Variants in FOXN3 observed in about 807,000 individuals in gnomAD.
FOXN3 encodes forkhead box N3.
A neutral mutation model predicts 38.4 loss-of-function variants in FOXN3; 7 were observed. The observed-to-expected ratio is 0.18, with a 90% CI of 0.10 to 0.34. The LOEUF (loss-of-function observed/expected upper bound fraction) is 0.34. Ranked by LOEUF, FOXN3 falls within the 10% of genes least tolerant of loss-of-function variation. The pLI, the probability that FOXN3 is intolerant of heterozygous loss-of-function variation, is 1.00. For synonymous variants in FOXN3, 230 were observed against 242.2 expected (o/e 0.95, Z 0.47); for missense variants, 456 against 613.4 (o/e 0.74, Z 2.71).
At chr14:89,385,499 TAAAAAAAAA>T (rs10681650) in intron 2 of FOXN3, among the ~76,000 whole-genome samples, 11 of 108,814 alleles carry the variant, frequency 1.0e-4, no homozygotes, top group African/African-American at 1.7e-4. Flanking sequence ...GGCAAACATT[TAAAAAAAAA>T]AAAAAAAAAA....
intron 2 of FOXN3, among the ~76,000 whole-genome samples, chr14:89,368,650 G>A (rs1890225826): frequency 1.3e-5 from 2 of 152,094 alleles, no homozygotes; most frequent in South Asian, 2.1e-4. Flanking sequence ...TGTTTCAAAC[G>A]CAAACAAAAG....
At chr14:89,555,582 C>T (rs1478081523) in intron 1 of FOXN3, among the ~76,000 whole-genome samples, 1 of 152,134 alleles carries the variant, frequency 6.6e-6, no homozygotes, top group Non-Finnish European at 1.5e-5. Flanking sequence ...TTTTCTAGTA[C>T]TTCCTGTTCT....
intron 1 of FOXN3, among the ~76,000 whole-genome samples, chr14:89,590,272 C>A (rs1457742153): frequency 6.6e-6 from 1 of 152,084 alleles, no homozygotes; most frequent in African/African-American, 2.4e-5. Context: ...GCAAGTCATC[C>A]TTTTGGCCCT....
At chr14:89,608,683 A>G (rs1312425849) in intron 1 of FOXN3, among the ~76,000 whole-genome samples, 2 of 152,186 alleles carry the variant, frequency 1.3e-5, no homozygotes, top group Admixed American at 6.5e-5. Context: ...TTCCTCCTTC[A>G]TAAGAAATAA....
intron 2 of FOXN3, among the ~76,000 whole-genome samples, chr14:89,390,705 G>A (rs527667677): frequency 1.3e-5 from 2 of 152,170 alleles, no homozygotes; most frequent in Admixed American, 6.5e-5. Flanking sequence ...GAATCTACTC[G>A]TATGACCAAA....
chr14:89,165,800 C>G (rs930852008), intron 5 of FOXN3, among the ~76,000 whole-genome samples: 2 of 152,204 alleles, frequency 1.3e-5, no homozygotes, highest in African/African-American at 2.4e-5. Context: ...CTGTAAAATA[C>G]AAAAATAATT....
chr14:89,554,048 C>G (rs1895062896), intron 1 of FOXN3, among the ~76,000 whole-genome samples: 1 of 152,146 alleles, frequency 6.6e-6, no homozygotes, highest in Admixed American at 6.5e-5. Context: ...GTCGCTCAGG[C>G]TGGAGTGCAG....
chr14:89,320,220 T>C (rs1165229149), intron 3 of FOXN3, among the ~76,000 whole-genome samples: 2 of 152,198 alleles, frequency 1.3e-5, no homozygotes, highest in Non-Finnish European at 2.9e-5. Context: ...GGCACGTATT[T>C]TACATCAACA....
intron 4 of FOXN3, among the ~76,000 whole-genome samples, chr14:89,210,915 C>A (rs1884070381): frequency 6.6e-6 from 1 of 152,302 alleles, no homozygotes; most frequent in South Asian, 2.1e-4. Context: ...AGAAACTATA[C>A]AGTTTGGACT....
intron 1 of FOXN3, among the ~76,000 whole-genome samples, chr14:89,581,586 T>C (rs949854511): frequency 2.0e-5 from 3 of 152,170 alleles, no homozygotes; most frequent in Non-Finnish European, 4.4e-5. Context: ...CCCCGGTACC[T>C]GCTCTTTTCC....
intron 3 of FOXN3, among the ~76,000 whole-genome samples, chr14:89,288,062 A>G (rs1596155886): frequency 4.0e-5 from 1 of 25,282 alleles, no homozygotes; most frequent in African/African-American, 1.0e-4. Context: ...CCCTGTCTCA[A>G]AAAAAAATAT....
chr14:89,219,411 T>G (rs567170792), intron 4 of FOXN3, among the ~76,000 whole-genome samples: 1 of 152,214 alleles, frequency 6.6e-6, no homozygotes, highest in Non-Finnish European at 1.5e-5. Context: ...TATGTCTTTA[T>G]AGCAGTGTGA....
intron 1 of FOXN3, among the ~76,000 whole-genome samples, chr14:89,618,877 A>G (rs1450768970): frequency 6.6e-6 from 1 of 151,978 alleles, no homozygotes; most frequent in Non-Finnish European, 1.5e-5. Flanking sequence ...CTATAAATCA[A>G]TCTGAAACCA....
chr14:89,458,374 C>A (rs1210778513), intron 1 of FOXN3, among the ~76,000 whole-genome samples: 1 of 152,226 alleles, frequency 6.6e-6, no homozygotes, highest in East Asian at 1.9e-4. Flanking sequence ...GCCACTTGAG[C>A]AGCCCCTCCT....
chr14:89,432,441 A>G (rs931188015), intron 1 of FOXN3, among the ~76,000 whole-genome samples: 5 of 152,204 alleles, frequency 3.3e-5, no homozygotes, highest in South Asian at 2.1e-4. Context: ...AAACATGCAT[A>G]ACAACAAAAG....
rs1049153839 is a variant in FOXN3, at chr14:89,229,072, C to G, written c.746-48266G>C. ...CCTCGTAATAAGCAATCAGAACAAC[C>G]AATACAGCCCTGACAAATGGGGTTT... On this transcript the variant is annotated intron_variant, in intron 4 of 5. Transcript: ENST00000557258. Among the ~76,000 whole-genome samples, 24 of 152,106 alleles carry G rather than the reference C, an allele frequency of 1.6e-4. 1 individual carries two copies. The East Asian group carries it at 4.6e-3, about 29-fold the overall frequency.
intron 1 of FOXN3, among the ~76,000 whole-genome samples, chr14:89,475,001 A>G (rs1893182690): frequency 6.6e-6 from 1 of 151,190 alleles, no homozygotes; most frequent in South Asian, 2.1e-4. Context: ...TTTTTAGTAG[A>G]GATGGAGTTT....
intron 1 of FOXN3, among the ~76,000 whole-genome samples, chr14:89,598,002 G>A (rs1426162764): frequency 6.6e-6 from 1 of 150,914 alleles, no homozygotes; most frequent in African/African-American, 2.4e-5. Flanking sequence ...TTTCATCTTT[G>A]TTTGAATTTC....
chr14:89,471,546 T>G (rs1178772354), intron 1 of FOXN3, among the ~76,000 whole-genome samples: 1 of 152,000 alleles, frequency 6.6e-6, no homozygotes, highest in Non-Finnish European at 1.5e-5. Flanking sequence ...ACTGCACCAC[T>G]GCACTCCAGC....
Sources: gnomAD v4.1 joint callset for allele counts (sites outside exome capture counted in the v4.1 genomes callset) on GRCh38, gnomAD v4.1.1 for gene constraint, MANE v1.5 for transcripts, NCBI Gene and HGNC (gene_info 2026-07-23, HGNC 2026-07-21) for gene names.